Variants in NBAS observed in about 807,000 individuals in gnomAD.
NBAS encodes the protein NAG/BC035112 fusion.
A neutral mutation model predicts 302.5 loss-of-function variants in NBAS; 219 were observed. The observed-to-expected ratio is 0.72, with a 90% CI of 0.65 to 0.81. NBAS has a LOEUF of 0.81. Among genes scored for constraint, NBAS ranks in the 30% least tolerant of loss-of-function variants. The probability of loss-of-function intolerance (pLI) is 0.00; values close to 1 mark genes in which losing one functional copy is unlikely to be tolerated. For missense variants in NBAS, 2,932 were observed against 2,841.6 expected, an observed-to-expected ratio of 1.03 and a Z score of -0.72; for synonymous variants, 1,118 against 1,021.6, an observed-to-expected ratio of 1.09 and a Z score of -1.80.
At chr2:15,440,031 A>G (rs1678274608) in intron 21 of NBAS, among the ~76,000 whole-genome samples, 1 of 152,258 alleles carries the variant, frequency 6.6e-6, no homozygotes, top group Non-Finnish European at 1.5e-5. Context: ...AGCCCACCAC[A>G]GCTCAAGGAG....
chr2:15,337,276 G>A (rs534243929), intron 35 of NBAS, among the ~76,000 whole-genome samples: 24 of 152,028 alleles, frequency 1.6e-4, no homozygotes, highest in South Asian at 1.2e-3. Context: ...AGCTATAATC[G>A]TGCACTCCAG....
chr2:14,933,074 G>C, the NBAS span, among the ~76,000 whole-genome samples: 15 of 152,302 alleles, frequency 9.8e-5, no homozygotes, highest in East Asian at 2.9e-3. Flanking sequence ...AGAAGTTTTT[G>C]GAGACTTTCT....
the NBAS span, among the ~76,000 whole-genome samples, chr2:14,826,514 G>A: frequency 1.1e-4 from 16 of 152,210 alleles, no homozygotes; most frequent in South Asian, 2.1e-4. Context: ...AATTCAGTTC[G>A]TAGATGTGGC....
At chr2:15,417,380 T>G in intron 24 of NBAS, 147 bp downstream of exon 24, 1 of 724,148 alleles carries the variant, frequency 1.4e-6, no homozygotes, top group Admixed American at 2.9e-5. Context: ...AAGTTATGCA[T>G]AATATTTTAC....
chr2:14,789,156 C>T, the NBAS span, among the ~76,000 whole-genome samples: 11 of 152,306 alleles, frequency 7.2e-5, no homozygotes, highest in African/African-American at 2.2e-4. Flanking sequence ...ATATAATCTC[C>T]TGGTGTGCCG....
chr2:15,129,676 AC>A, the NBAS span, among the ~76,000 whole-genome samples: 1 of 151,894 alleles, frequency 6.6e-6, no homozygotes, highest in Non-Finnish European at 1.5e-5. Flanking sequence ...CTTTTTTACC[AC>A]CTGGACATTC....
chr2:14,984,014 T>C, the NBAS span, among the ~76,000 whole-genome samples: 1 of 152,112 alleles, frequency 6.6e-6, no homozygotes, highest in Non-Finnish European at 1.5e-5. Flanking sequence ...GGTTCTTTAA[T>C]GAGGCAGAAT....
chr2:15,554,816 GAA>G (rs1374708124), intron 3 of NBAS, among the ~76,000 whole-genome samples: 1 of 151,754 alleles, frequency 6.6e-6, no homozygotes, highest in Non-Finnish European at 1.5e-5. Context: ...AATCTCCTAT[GAA>G]AAAGTAAAAG....
intron 23 of NBAS, among the ~76,000 whole-genome samples, chr2:15,418,376 T>C (rs1677047853): frequency 6.6e-6 from 1 of 152,196 alleles, no homozygotes; most frequent in East Asian, 1.9e-4. Flanking sequence ...GATAGAGAAA[T>C]GATCTAGTGT....
chr2:15,169,035 G>GAATTAATGTTATTAATGAA (rs2125098395), intron 51 of NBAS, among the ~76,000 whole-genome samples: 1 of 152,278 alleles, frequency 6.6e-6, no homozygotes, highest in East Asian at 1.9e-4. Context: ...ATTAACATTT[G>GAATTAATGTTATTAATGAA]TTAAATGGCT....
chr2:15,353,862 A>G, intron 33 of NBAS, 152 bp from the exon 34 acceptor site: 1 of 952,480 alleles, frequency 1.0e-6, no homozygotes. Context: ...AGAAACAGAT[A>G]AGAATCTAAG....
intron 8 of NBAS, among the ~76,000 whole-genome samples, chr2:15,535,558 A>G (rs1663459351): frequency 6.6e-6 from 1 of 151,226 alleles, no homozygotes; most frequent in South Asian, 2.1e-4. Context: ...AAATAAATAA[A>G]TAAATAAAAA....
intron 7 of NBAS, 116 bp downstream of exon 7, chr2:15,539,107 A>C (rs1663667014): frequency 3.6e-6 from 5 of 1,398,188 alleles, no homozygotes; most frequent in Non-Finnish European, 5.0e-6. Flanking sequence ...TTAAGTCCAC[A>C]GCTTATTATT....
the NBAS span, among the ~76,000 whole-genome samples, chr2:14,872,870 C>A: frequency 5.9e-5 from 9 of 151,928 alleles, no homozygotes; most frequent in East Asian, 1.4e-3. Context: ...GCGGCGCCTC[C>A]GGAGTTGTTT....
the NBAS span, among the ~76,000 whole-genome samples, chr2:14,986,387 GT>G: frequency 2.0e-5 from 3 of 152,078 alleles, no homozygotes; most frequent in African/African-American, 7.2e-5. Flanking sequence ...GTATAAGGTT[GT>G]TAAACAATTA....
At chr2:15,203,133 C>A (rs1028424596) in intron 48 of NBAS, among the ~76,000 whole-genome samples, 4 of 152,060 alleles carry the variant, frequency 2.6e-5, no homozygotes, top group Non-Finnish European at 5.9e-5. Flanking sequence ...ACATAATATA[C>A]CATACAGACA....
At chr2:14,783,907 C>A in the NBAS span, among the ~76,000 whole-genome samples, 5 of 141,466 alleles carry the variant, frequency 3.5e-5, no homozygotes, top group Non-Finnish European at 6.3e-5. Flanking sequence ...CTGACTTCCA[C>A]AATGGTTGAA....
At chr2:14,802,798 C>T in the NBAS span, among the ~76,000 whole-genome samples, 6 of 141,164 alleles carry the variant, frequency 4.3e-5, no homozygotes, top group African/African-American at 1.6e-4. Flanking sequence ...AACAAAAAAC[C>T]AAACACCACA....
the NBAS span, among the ~76,000 whole-genome samples, chr2:15,148,539 T>C: frequency 6.6e-6 from 1 of 152,040 alleles, no homozygotes; most frequent in Non-Finnish European, 1.5e-5. Flanking sequence ...AGTCTAGGAA[T>C]GGGAATATGC....
Sources: allele counts gnomAD v4.1 joint callset (sites outside exome capture counted in the v4.1 genomes callset), GRCh38; gene constraint gnomAD v4.1.1; transcripts MANE v1.5; gene names NCBI Gene and HGNC (gene_info 2026-07-23, HGNC 2026-07-21).